The following MMP26 variants were observed in gnomAD, a reference collection of about 807,000 sequenced individuals.
MMP26 encodes matrix metalloproteinase-26.
In MMP26, 33 loss-of-function variants were observed where a neutral mutation model predicts 31.0. That is an observed-to-expected ratio of 1.06 (90% CI 0.81 to 1.42). The LOEUF is 1.42. MMP26 is among the 40% of genes most tolerant of loss of function. The pLI is 0.00. For missense variants in MMP26, 347 were observed against 316.1 expected (o/e 1.10, Z -0.74); for synonymous variants, 122 against 114.9 (o/e 1.06, Z -0.40).
intron 1 of MMP26, among the ~76,000 whole-genome samples, chr11:4,745,530 T>G (rs80144636): frequency 0.044 from 6,695 of 152,266 alleles, 471 homozygotes; most frequent in African/African-American, 0.15. Context: ...CACATGCACA[T>G]CCTACCCCTC....
intron 2 of MMP26, among the ~76,000 whole-genome samples, chr11:4,923,085 A>G (rs2570587): frequency 0.78 from 118,825 of 152,186 alleles, 46,531 homozygotes; most frequent in East Asian, 0.92. Context: ...TATTTATTGA[A>G]AATTGTATAT....
At chr11:4,948,828 A>G (rs1189723951) in intron 2 of MMP26, among the ~76,000 whole-genome samples, 1 of 125,008 alleles carries the variant, frequency 8.0e-6, no homozygotes, top group African/African-American at 2.7e-5. Context: ...TTAGTTGCCA[A>G]TTGCCTACTG....
chr11:4,893,547 C>T (rs774643301), intron 2 of MMP26, among the ~76,000 whole-genome samples: 1 of 152,198 alleles, frequency 6.6e-6, no homozygotes, highest in African/African-American at 2.4e-5. Flanking sequence ...TGAACACCCT[C>T]ACTGCCTCAG....
chr11:4,846,469 G>A lies in MMP26; in HGVS notation c.-145+79128G>A, dbSNP rs1002232324. Reference sequence around the variant, plus strand: ...GGGTATAAAAAATAATAGAAAGAATGAATAAGACCTACTATTTGATAGTGC... The same window carrying A: ...GGGTATAAAAAATAATAGAAAGAATAAATAAGACCTACTATTTGATAGTGC... On this transcript the variant is annotated intron_variant, in intron 2 of 7. Coordinates refer to ENST00000380390, the MANE Select transcript of MMP26 (RefSeq NM_021801.5). Among the ~76,000 whole-genome samples the A allele has an allele frequency of 1.9e-4, 29 of 152,160 alleles. No homozygotes were observed. The South Asian group carries it at 4.4e-3, about 23-fold the overall frequency.
intron 1 of MMP26, among the ~76,000 whole-genome samples, chr11:4,739,047 G>A (rs1848279402): frequency 6.6e-6 from 1 of 152,062 alleles, no homozygotes; most frequent in South Asian, 2.1e-4. Context: ...ATATATAACT[G>A]TTGAAGAAAA....
intron 2 of MMP26, among the ~76,000 whole-genome samples, chr11:4,782,183 C>T (rs577764205): frequency 1.3e-5 from 2 of 152,246 alleles, no homozygotes; most frequent in South Asian, 2.1e-4. Flanking sequence ...CAGAAGAAGA[C>T]AGGAAAATGT....
In MMP26 at chr11:4,898,831, C is replaced by CTGTGTG. The variant is rs1157500335; in HGVS notation, c.-144-89197_-144-89192dup. On this transcript the variant is annotated intron_variant, in intron 2 of 7. Coordinates refer to ENST00000380390, the MANE Select transcript of MMP26 (RefSeq NM_021801.5). ...GAAATCTCTCTCTCTCTCTCTCTCT[C>CTGTGTG]TGTGTGTGTGTGTGTGTGTGTGTGT... 5.6e-3 allele frequency among the ~76,000 whole-genome samples: 531 copies of CTGTGTG among 94,234 alleles called. 3 individuals carry two copies. The highest frequency in any genetic ancestry group is 8.1e-3 in the Non-Finnish European group (380 of 46,628). The allele number at this position is 94,234 out of a possible 152,430, so 61.8% of individuals were successfully genotyped here. A position where few individuals can be genotyped will look rare whatever the true frequency, so the allele number is the denominator to read the frequency against.
chr11:4,774,492 A>C (rs373983515), intron 2 of MMP26, among the ~76,000 whole-genome samples: 1 of 151,724 alleles, frequency 6.6e-6, no homozygotes. Flanking sequence ...TTGTCTTGTG[A>C]ATTTGTTTGA....
At chr11:4,990,775 T>C (rs895923929) in intron 5 of MMP26, 29 bp downstream of exon 5, 1 of 1,612,898 alleles carries the variant, frequency 6.2e-7, no homozygotes, top group Non-Finnish European at 8.5e-7. Context: ...AAGAAGGATA[T>C]GTATATGCCC....
At chr11:4,928,961 C>T (rs1269026392) in intron 2 of MMP26, among the ~76,000 whole-genome samples, 2 of 152,054 alleles carry the variant, frequency 1.3e-5, no homozygotes, top group East Asian at 1.9e-4. Flanking sequence ...TTTTCCAGGT[C>T]CAATTGTTGG....
intron 2 of MMP26, among the ~76,000 whole-genome samples, chr11:4,869,826 C>T (rs905070345): frequency 2.0e-5 from 3 of 152,168 alleles, no homozygotes; most frequent in African/African-American, 7.2e-5. Flanking sequence ...CCCAAATGTC[C>T]ATCAATGATA....
chr11:4,851,336 T>G (rs140502083), intron 2 of MMP26, among the ~76,000 whole-genome samples: 1 of 152,068 alleles, frequency 6.6e-6, no homozygotes, highest in Non-Finnish European at 1.5e-5. Context: ...GGCAAGGAAA[T>G]AGGGAGGGCC....
At chr11:4,915,245 A>G (rs1464664338) in intron 2 of MMP26, 1 of 1,613,908 alleles carries the variant, frequency 6.2e-7, no homozygotes, top group Admixed American at 1.7e-5. Context: ...GTTGGTGAGA[A>G]TGGAAACATA....
chr11:4,725,141 C>T (rs1483174357), intron 1 of MMP26, among the ~76,000 whole-genome samples: 1 of 152,208 alleles, frequency 6.6e-6, no homozygotes, highest in Non-Finnish European at 1.5e-5. Context: ...TCTGCCATGA[C>T]TGTAAGTTTC....
chr11:4,899,810 A>G (rs1213581794), intron 2 of MMP26, among the ~76,000 whole-genome samples: 5 of 152,140 alleles, frequency 3.3e-5, no homozygotes, highest in Non-Finnish European at 7.4e-5. Context: ...TTTTATTTTT[A>G]AATTAATTAA....
intron 2 of MMP26, among the ~76,000 whole-genome samples, chr11:4,880,755 G>T (rs1850449804): frequency 6.6e-6 from 1 of 152,168 alleles, no homozygotes; most frequent in Admixed American, 6.6e-5. Context: ...CAAGCAAAAT[G>T]TGGGGCAAAG....
At chr11:4,987,961 G>A (rs1049354304) in intron 2 of MMP26, 107 bp from the exon 3 acceptor site, 3 of 527,010 alleles carry the variant, frequency 5.7e-6, no homozygotes, top group African/African-American at 3.8e-5. Flanking sequence ...CCTTAACCAG[G>A]CCTGTGGCCC....
At chr11:4,917,643 T>A (rs1176847397) in intron 2 of MMP26, among the ~76,000 whole-genome samples, 1 of 152,214 alleles carries the variant, frequency 6.6e-6, no homozygotes, top group Non-Finnish European at 1.5e-5. Context: ...CCGTGATCAG[T>A]GGTTACCACA....
At chr11:4,716,952 G>A (rs1318129107) in intron 1 of MMP26, among the ~76,000 whole-genome samples, 19 of 152,124 alleles carry the variant, frequency 1.2e-4, no homozygotes, top group Non-Finnish European at 2.2e-4. Flanking sequence ...ATGAGCCACC[G>A]TTCCCAGCCC....
Sources: gnomAD v4.1 joint callset for allele counts (sites outside exome capture counted in the v4.1 genomes callset) on GRCh38, gnomAD v4.1.1 for gene constraint, MANE v1.5 for transcripts, NCBI Gene and HGNC (gene_info 2026-07-23, HGNC 2026-07-21) for gene names.